SEL1L3: variants seen among roughly 807,000 people sequenced by gnomAD.
SEL1L3 encodes the protein SEL1L family member 3.
Under a neutral mutation model 142.8 loss-of-function variants are expected in SEL1L3, and 76 were observed. The ratio of observed to expected loss-of-function variants is 0.53; its 90% CI spans 0.44 to 0.64. The LOEUF is 0.64. Ranked by LOEUF, SEL1L3 falls within the 30% of genes least tolerant of loss-of-function variation. SEL1L3 has a pLI of 0.00. For missense variants in SEL1L3, 1,262 were observed against 1,381.7 expected (o/e 0.91, Z 1.37); for synonymous variants, 504 against 519.6 (o/e 0.97, Z 0.41).
At chr4:25,742,830 T>A (rs6849618), downstream of SEL1L3, among the ~76,000 whole-genome samples, 108,039 of 151,886 alleles carry the variant, frequency 0.71, 38,502 homozygotes, top group East Asian at 0.79. Context: ...AATGACCTAC[T>A]GCTTGGCATC....
intron 19 of SEL1L3, 101 bp from the exon 20 acceptor site, chr4:25,765,536 G>A (rs1373736589): frequency 2.7e-6 from 2 of 733,062 alleles, no homozygotes; most frequent in African/African-American, 1.7e-5. Context: ...TTTCCTATTA[G>A]TATCTGAATA....
At chr4:25,752,441 T>G (rs569507799) in intron 23 of SEL1L3, among the ~76,000 whole-genome samples, 185 of 147,060 alleles carry the variant, frequency 1.3e-3, no homozygotes, top group African/African-American at 4.4e-3. Context: ...AAAAAAAAGT[T>G]GAATGTTTTA....
At chr4:25,789,477 C>A (rs930157290) in intron 12 of SEL1L3, among the ~76,000 whole-genome samples, 1 of 151,082 alleles carries the variant, frequency 6.6e-6, no homozygotes, top group Non-Finnish European at 1.5e-5. Context: ...TCCAGCTACT[C>A]GGGAGGTTGA....
At position 25,780,810 on chromosome 4, in the gene SEL1L3, AAT is replaced by A. The variant is rs540811869; in HGVS notation, c.2457+1430_2457+1431del. ...ACACATAAATAAAATATATATAAAT[AAT>A]ATATATATATTTTATATATATATAT... On this transcript the variant is annotated intron_variant, in intron 15 of 23. Transcript: ENST00000399878. Among the ~76,000 whole-genome samples the A allele has an allele frequency of 8.4e-5, 11 of 131,282 alleles. 1 individual carries two copies. Among genetic ancestry groups the A allele is most frequent in the Middle Eastern group, 7.5e-3 (2 of 266 alleles). The allele number at this position is 131,282 out of a possible 152,430, so 86.1% of individuals were successfully genotyped here.
intron 1 of SEL1L3, among the ~76,000 whole-genome samples, chr4:25,850,730 A>G (rs1217073825): frequency 2.0e-5 from 3 of 152,252 alleles, no homozygotes; most frequent in African/African-American, 7.2e-5. Flanking sequence ...CCACTCATGG[A>G]GTACCATACA....
intron 9 of SEL1L3, among the ~76,000 whole-genome samples, chr4:25,817,764 C>T (rs1313984976): frequency 6.6e-6 from 1 of 152,108 alleles, no homozygotes; most frequent in East Asian, 1.9e-4. Context: ...TTTTAAAAAG[C>T]TAGAAATTTG....
At chr4:25,797,872 C>T (rs996720857) in intron 11 of SEL1L3, among the ~76,000 whole-genome samples, 8 of 152,190 alleles carry the variant, frequency 5.3e-5, no homozygotes, top group Non-Finnish European at 1.0e-4. Flanking sequence ...GCACACAACA[C>T]CCAGTGCAGG....
the SEL1L3 span, among the ~76,000 whole-genome samples, chr4:25,735,876 C>G: frequency 2.9e-5 from 4 of 136,012 alleles, no homozygotes; most frequent in East Asian, 8.4e-4. Context: ...GTCGCCCAGG[C>G]TGGAGTGCAG....
At chr4:25,731,488 C>T in the SEL1L3 span, among the ~76,000 whole-genome samples, 1 of 152,122 alleles carries the variant, frequency 6.6e-6, no homozygotes, top group East Asian at 1.9e-4. Context: ...AGCATCCTTC[C>T]CTCCCTGCCT....
intron 23 of SEL1L3, among the ~76,000 whole-genome samples, chr4:25,753,205 T>C (rs1224355631): frequency 6.6e-6 from 1 of 152,212 alleles, no homozygotes; most frequent in Non-Finnish European, 1.5e-5. Context: ...TCACAGAGCA[T>C]ATAAACTCAG....
chr4:25,718,498 A>G, the SEL1L3 span: 2 of 152,208 alleles, frequency 1.3e-5, no homozygotes, highest in African/African-American at 2.4e-5. Context: ...TGCGCGAGCA[A>G]TTATAAGGGT....
the SEL1L3 span, among the ~76,000 whole-genome samples, chr4:25,733,676 G>A: frequency 1.5e-4 from 22 of 151,388 alleles, no homozygotes; most frequent in Non-Finnish European, 2.8e-4. Context: ...GCGCACCACC[G>A]CGCCCGGCTA....
intron 6 of SEL1L3, among the ~76,000 whole-genome samples, chr4:25,826,416 T>C (rs997691813): frequency 5.3e-5 from 8 of 152,338 alleles, no homozygotes; most frequent in South Asian, 2.1e-4. Context: ...TGGGAACACC[T>C]ATAACCAGTA....
Position 25,841,681 on chromosome 4 carries a change from G to T in SEL1L3, c.733+5613C>A, listed in dbSNP as rs140086378. Among the ~76,000 whole-genome samples, 384 of 152,270 alleles carry T rather than the reference G, an allele frequency of 2.5e-3. 2 individuals are homozygous for T. The highest frequency in any genetic ancestry group is 8.6e-3 in the African/African-American group (356 of 41,546). Reference sequence around the variant, plus strand: ...TAAATTAAATAACAGCGGGCCAGGCGCTGTAGTTCACCCAGCACTTTGTAA... The same window carrying T: ...TAAATTAAATAACAGCGGGCCAGGCTCTGTAGTTCACCCAGCACTTTGTAA... On this transcript the variant is annotated intron_variant, in intron 2 of 23. Transcript: ENST00000399878.
chr4:25,725,482 T>C, the SEL1L3 span, among the ~76,000 whole-genome samples: 1 of 151,868 alleles, frequency 6.6e-6, no homozygotes, highest in Non-Finnish European at 1.5e-5. Context: ...CGGCTGGCTA[T>C]TTTTTGTATT....
At chr4:25,741,634 G>T in the SEL1L3 span, among the ~76,000 whole-genome samples, 1 of 151,946 alleles carries the variant, frequency 6.6e-6, no homozygotes, top group Non-Finnish European at 1.5e-5. Context: ...TGATACTTCA[G>T]GTGTGGGATG....
chr4:25,853,202 A>G (rs1717017429), intron 1 of SEL1L3, among the ~76,000 whole-genome samples: 1 of 152,164 alleles, frequency 6.6e-6, no homozygotes, highest in Non-Finnish European at 1.5e-5. Context: ...GATAGTGCCA[A>G]TGCACTCCAG....
chr4:25,734,171 A>ATGCCAG, the SEL1L3 span, among the ~76,000 whole-genome samples: 4 of 151,966 alleles, frequency 2.6e-5, no homozygotes, highest in East Asian at 7.8e-4. Flanking sequence ...TTATAGGCAC[A>ATGCCAG]TGCCACCACG....
intron 23 of SEL1L3, among the ~76,000 whole-genome samples, chr4:25,753,577 C>G (rs1298534464): frequency 6.6e-6 from 1 of 152,244 alleles, no homozygotes; most frequent in East Asian, 1.9e-4. Context: ...GAAACTTGGT[C>G]TCTGAGCAGC....
Sources: gnomAD v4.1 joint callset for allele counts (sites outside exome capture counted in the v4.1 genomes callset) on GRCh38, gnomAD v4.1.1 for gene constraint, MANE v1.5 for transcripts, NCBI Gene and HGNC (gene_info 2026-07-23, HGNC 2026-07-21) for gene names.